SLC7A1: variants seen among roughly 807,000 people sequenced by gnomAD.
SLC7A1 encodes solute carrier family 7 member 1.
Under a neutral mutation model 53.9 loss-of-function variants are expected in SLC7A1, and 10 were observed. The ratio of observed to expected loss-of-function variants is 0.19; its 90% confidence interval spans 0.11 to 0.31. The LOEUF (loss-of-function observed/expected upper bound fraction) is 0.31. Ranked by LOEUF, SLC7A1 falls within the 10% of genes least tolerant of loss-of-function variation. The pLI is 1.00. For synonymous variants in SLC7A1, 342 were observed against 338.7 expected, an observed-to-expected ratio of 1.01 and a Z score of -0.11; for missense variants, 525 against 827.2, an observed-to-expected ratio of 0.63 and a Z score of 4.48.
chr13:29,569,018 G>A (rs548154827), intron 1 of SLC7A1, among the ~76,000 whole-genome samples: 1 of 152,136 alleles, frequency 6.6e-6, no homozygotes, highest in Non-Finnish European at 1.5e-5. Flanking sequence ...TTTAAGAACG[G>A]ACTCCTATCT....
At chr13:29,559,785 G>C (rs896856687) in intron 1 of SLC7A1, among the ~76,000 whole-genome samples, 16 of 150,676 alleles carry the variant, frequency 1.1e-4, no homozygotes, top group Non-Finnish European at 1.8e-4. Flanking sequence ...GCGCGATCTC[G>C]GCTCACTGCA....
rs763867896 is a variant in SLC7A1 at position 29,536,054 on chromosome 13, T to A, written c.135A>T (p.Thr45=). 1 of 1,613,972 alleles carries A rather than the reference T, an allele frequency of 6.2e-7. No homozygotes were observed. The highest frequency in any genetic ancestry group is 1.7e-5 in the Admixed American group (1 of 60,018). ...FDLVALGVGS[T]LGAGVYVLAG... Reference sequence around the variant, plus strand: ...CCAGGACGTAGACACCAGCACCCAGTGTGCTGCCCACCCCGAGGGCCACCA... The same window carrying A: ...CCAGGACGTAGACACCAGCACCCAGAGTGCTGCCCACCCCGAGGGCCACCA... The change falls in exon 3 of 13, where the codon ACA becomes ACT. Residue 45 remains threonine, a synonymous_variant. Transcript: ENST00000380752.
rs550775664 is a variant in SLC7A1 at position 29,520,814 on chromosome 13, C to T, written c.1190-1265G>A. Among the ~76,000 whole-genome samples, 31 of 152,320 alleles carry T rather than the reference C, an allele frequency of 2.0e-4. No homozygotes were observed. In the South Asian group the frequency reaches 3.3e-3, roughly 16 times the overall value. On this transcript the variant is annotated intron_variant, in intron 8 of 12. Transcript: ENST00000380752. ...AGGGCCTTTTGGATAATCAGAACAGCGCCCAACTGTGCATGCCACAAATGC... is the reference window on the plus strand; with the variant it reads ...AGGGCCTTTTGGATAATCAGAACAGTGCCCAACTGTGCATGCCACAAATGC...
At chr13:29,541,691 A>C (rs1011130794) in intron 2 of SLC7A1, among the ~76,000 whole-genome samples, 4 of 152,256 alleles carry the variant, frequency 2.6e-5, no homozygotes, top group Non-Finnish European at 4.4e-5. Flanking sequence ...AATGTTGAAT[A>C]CAGTTTAACA....
At chr13:29,577,487 G>A (rs1016887106) in intron 1 of SLC7A1, among the ~76,000 whole-genome samples, 9 of 152,352 alleles carry the variant, frequency 5.9e-5, no homozygotes, top group East Asian at 3.9e-4. Context: ...TCTTCTGGGC[G>A]TGTGGCTCTG....
At chr13:29,552,634 C>T (rs953576257) in intron 2 of SLC7A1, among the ~76,000 whole-genome samples, 15 of 152,178 alleles carry the variant, frequency 9.9e-5, no homozygotes, top group Non-Finnish European at 1.9e-4. Context: ...TTATCAAGAC[C>T]GATCTGTGCC....
Position 29,514,226 on chromosome 13 carries a change from T to C in SLC7A1, c.*254A>G. ...GGAGGAACTGCTTTGTTCAGAGAAG[T>C]GAGGAGACACAGTGGCCAGCCGCAG... On this transcript the variant is annotated 3_prime_UTR_variant, in exon 13 of 13. Coordinates refer to ENST00000380752, the MANE Select transcript of SLC7A1 (RefSeq NM_003045.5). The C allele has an allele frequency of 1.9e-6, 1 of 533,460 alleles. No individual in the cohort carries two copies. The highest frequency in any genetic ancestry group is 3.4e-6 in the Non-Finnish European group (1 of 295,564). The allele number at this position is 533,460 out of a possible 1,614,324, so 33.0% of individuals were successfully genotyped here.
At chr13:29,517,823 C>G in intron 9 of SLC7A1, 33 bp from the exon 10 acceptor site, 1 of 1,559,438 alleles carries the variant, frequency 6.4e-7, no homozygotes, top group Non-Finnish European at 8.8e-7. Flanking sequence ...ACCGCCACAT[C>G]TGCTTCAAGC....
intron 2 of SLC7A1, among the ~76,000 whole-genome samples, chr13:29,543,598 T>C (rs1394243642): frequency 6.6e-6 from 1 of 151,690 alleles, no homozygotes; most frequent in Non-Finnish European, 1.5e-5. Context: ...AAAAGCAACA[T>C]TACATGGAGA....
Position 29,524,178 on chromosome 13 carries a change from C to T in SLC7A1, c.780G>A (p.Ala260=), listed in dbSNP as rs753383158. The T allele has an allele frequency of 1.2e-5, 19 of 1,613,986 alleles. No individual in the cohort carries two copies. Among genetic ancestry groups the T allele is most frequent in the South Asian group, 5.5e-5 (5 of 91,090 alleles). ...FGFSGVLSGA[A]TCFYAFVGFD... is the part of the protein sequence containing the mutation. ...AGCCCACGAAGGCATAGAAGCAAGT[C>T]GCTGCCCCCGACAGGACACCAGAGA... Residue 260 remains alanine, a synonymous_variant, in exon 6 of 13, where the codon GCG becomes GCA. Coordinates refer to ENST00000380752, the MANE Select transcript of SLC7A1 (RefSeq NM_003045.5).
At chr13:29,595,070 C>T (rs1421261503) in intron 1 of SLC7A1, among the ~76,000 whole-genome samples, 3 of 152,146 alleles carry the variant, frequency 2.0e-5, no homozygotes, top group African/African-American at 4.8e-5. Flanking sequence ...CCCGACCACC[C>T]CGTGCGTAGC....
At chr13:29,538,641 CT>C (rs1477854641) in intron 2 of SLC7A1, among the ~76,000 whole-genome samples, 1 of 152,342 alleles carries the variant, frequency 6.6e-6, no homozygotes, top group Middle Eastern at 3.4e-3. Context: ...CTGGAAATGC[CT>C]TTTTCTTTTC....
At chr13:29,547,574 G>C (rs1438928432) in intron 2 of SLC7A1, among the ~76,000 whole-genome samples, 1 of 152,182 alleles carries the variant, frequency 6.6e-6, no homozygotes, top group Non-Finnish European at 1.5e-5. Context: ...GAAGAAGTGA[G>C]GCATTTGTCT....
At chr13:29,555,438 T>C (rs538944155) in intron 1 of SLC7A1, among the ~76,000 whole-genome samples, 1 of 146,992 alleles carries the variant, frequency 6.8e-6, no homozygotes, top group African/African-American at 2.5e-5. Context: ...GAACTGAACA[T>C]TAATTCAATA....
At chr13:29,529,289 G>A (rs1869042905) in intron 5 of SLC7A1, among the ~76,000 whole-genome samples, 1 of 152,190 alleles carries the variant, frequency 6.6e-6, no homozygotes, top group Non-Finnish European at 1.5e-5. Flanking sequence ...ACACATCAAT[G>A]CCTGCCCACT....
At chr13:29,586,538 GA>G (rs1159901052) in intron 1 of SLC7A1, among the ~76,000 whole-genome samples, 1 of 152,088 alleles carries the variant, frequency 6.6e-6, no homozygotes, top group African/African-American at 2.4e-5. Flanking sequence ...AATGTTCTTT[GA>G]AAACGCCATT....
intron 5 of SLC7A1, among the ~76,000 whole-genome samples, chr13:29,528,374 C>T (rs777986545): frequency 6.6e-6 from 1 of 152,240 alleles, no homozygotes; most frequent in African/African-American, 2.4e-5. Flanking sequence ...GCCATCCAGA[C>T]TGCAGGGTAA....
At chr13:29,576,916 C>T (rs200958351) in intron 1 of SLC7A1, among the ~76,000 whole-genome samples, 8 of 152,160 alleles carry the variant, frequency 5.3e-5, no homozygotes, top group African/African-American at 1.7e-4. Context: ...GTCTGTCTGG[C>T]GCCAACACCT....
intron 1 of SLC7A1, among the ~76,000 whole-genome samples, chr13:29,571,695 T>C (rs188003862): frequency 1.2e-4 from 18 of 152,354 alleles, no homozygotes; most frequent in Admixed American, 9.8e-4. Context: ...TCTTCCACTC[T>C]GAACTCAGGC....
Sources: gnomAD v4.1 joint callset for allele counts (sites outside exome capture counted in the v4.1 genomes callset) on GRCh38, gnomAD v4.1.1 for gene constraint, MANE v1.5 for transcripts, NCBI Gene and HGNC (gene_info 2026-07-23, HGNC 2026-07-21) for gene names.